PDE1A: variants seen among roughly 807,000 people sequenced by gnomAD.
PDE1A encodes phosphodiesterase 1A.
PDE1A carries 35 observed loss-of-function variants against 61.7 expected under a neutral mutation model. That is an observed-to-expected ratio of 0.57 (90% CI 0.43 to 0.75). PDE1A has a LOEUF of 0.75. PDE1A is among the 30% of genes least tolerant of loss of function. The probability of loss-of-function intolerance (pLI) is 0.00; values close to 1 mark genes in which losing one functional copy is unlikely to be tolerated. For synonymous variants in PDE1A, 232 were observed against 213.2 expected, an observed-to-expected ratio of 1.09 and a Z score of -0.77; for missense variants, 597 against 630.6, an observed-to-expected ratio of 0.95 and a Z score of 0.57.
the PDE1A span, among the ~76,000 whole-genome samples, chr2:182,533,302 C>A: frequency 1.3e-5 from 2 of 152,124 alleles, no homozygotes; most frequent in Non-Finnish European, 2.9e-5. Flanking sequence ...CAGAGCGAGA[C>A]CCTGTCTCAG....
intron 1 of PDE1A, among the ~76,000 whole-genome samples, chr2:182,268,764 A>C (rs1419122551): frequency 6.6e-6 from 1 of 152,032 alleles, no homozygotes; most frequent in Non-Finnish European, 1.5e-5. Flanking sequence ...GGCGTATCTG[A>C]GATGCTACCT....
At chr2:182,343,873 C>CT (rs11300978) in intron 1 of PDE1A, among the ~76,000 whole-genome samples, 47 of 129,800 alleles carry the variant, frequency 3.6e-4, no homozygotes, top group African/African-American at 1.1e-3. Flanking sequence ...TTTTCTTTTT[C>CT]TTTTTTTTTT....
At chr2:182,654,541 C>G in the PDE1A span, among the ~76,000 whole-genome samples, 7 of 151,992 alleles carry the variant, frequency 4.6e-5, no homozygotes, top group African/African-American at 9.7e-5. Flanking sequence ...TTAAAATGTC[C>G]CCTATTTTAA....
At chr2:182,588,360 T>G in the PDE1A span, among the ~76,000 whole-genome samples, 2 of 152,202 alleles carry the variant, frequency 1.3e-5, no homozygotes, top group Non-Finnish European at 2.9e-5. Context: ...CATTGATCTT[T>G]CTCTCACAGG....
At chr2:182,305,875 A>AT (rs1695550572) in intron 1 of PDE1A, among the ~76,000 whole-genome samples, 1 of 152,230 alleles carries the variant, frequency 6.6e-6, no homozygotes, top group Non-Finnish European at 1.5e-5. Context: ...AACATTTACT[A>AT]TTTTTTGTGA....
In PDE1A at chr2:182,329,056, T is replaced by C. The variant is rs140973866; in HGVS notation, c.54-64642A>G. 4.7e-4 allele frequency among the ~76,000 whole-genome samples: 71 copies of C among 152,264 alleles called. 2 individuals carry two copies. In the East Asian group the frequency reaches 0.013, roughly 28 times the overall value. ...AAGTGGTCTAAGTAATAACTTCAAA[T>C]ATAAACAACTACCAGCAGGGGTAAA... On this transcript the variant is annotated intron_variant, in intron 1 of 13. Coordinates refer to ENST00000351439, the Ensembl canonical transcript of PDE1A.
downstream of PDE1A, among the ~76,000 whole-genome samples, chr2:182,166,731 T>C (rs1243609916): frequency 6.6e-6 from 1 of 152,188 alleles, no homozygotes; most frequent in Non-Finnish European, 1.5e-5. Flanking sequence ...TTGACTAATC[T>C]GATGATATTT....
intron 1 of PDE1A, among the ~76,000 whole-genome samples, chr2:182,322,170 C>A (rs1321570025): frequency 6.6e-6 from 1 of 152,128 alleles, no homozygotes; most frequent in Non-Finnish European, 1.5e-5. Flanking sequence ...AGAGAAGAAT[C>A]ACCAGGATTG....
intron 11 of PDE1A, among the ~76,000 whole-genome samples, chr2:182,187,324 C>T (rs1685294047): frequency 6.6e-6 from 1 of 152,170 alleles, no homozygotes; most frequent in Non-Finnish European, 1.5e-5. Flanking sequence ...GGGCATTGTC[C>T]TCTGGGAGCA....
the PDE1A span, among the ~76,000 whole-genome samples, chr2:182,580,048 T>C: frequency 6.6e-6 from 1 of 152,222 alleles, no homozygotes; most frequent in African/African-American, 2.4e-5. Context: ...AAACTATAAC[T>C]ACTCCTTTGA....
chr2:182,317,744 C>G (rs1472415210), intron 1 of PDE1A, among the ~76,000 whole-genome samples: 1 of 151,962 alleles, frequency 6.6e-6, no homozygotes, highest in African/African-American at 2.4e-5. Context: ...AGGTGGCTCT[C>G]TTTCAGTTCT....
At chr2:182,172,862 G>A (rs1692362610) in intron 13 of PDE1A, among the ~76,000 whole-genome samples, 1 of 151,976 alleles carries the variant, frequency 6.6e-6, no homozygotes, top group South Asian at 2.1e-4. Context: ...GGCGTAGCTA[G>A]ACTTCGAGTT....
At chr2:182,176,897 A>G (rs375289098) in intron 13 of PDE1A, among the ~76,000 whole-genome samples, 166 of 147,440 alleles carry the variant, frequency 1.1e-3, no homozygotes, top group African/African-American at 3.8e-3. Flanking sequence ...TAGCATGAAG[A>G]GTTGTTGAAT....
At chr2:182,187,431 C>T (rs1685303830) in intron 11 of PDE1A, among the ~76,000 whole-genome samples, 1 of 152,120 alleles carries the variant, frequency 6.6e-6, no homozygotes. Context: ...CTGTGGGTGC[C>T]TCAAGTCAAG....
At chr2:182,376,770 T>C (rs926694136) in intron 1 of PDE1A, among the ~76,000 whole-genome samples, 1 of 152,216 alleles carries the variant, frequency 6.6e-6, no homozygotes, top group African/African-American at 2.4e-5. Context: ...AGAGGTTTAA[T>C]TGGAGTTACA....
chr2:182,190,248 T>C (rs976882759), intron 10 of PDE1A, among the ~76,000 whole-genome samples: 2 of 152,188 alleles, frequency 1.3e-5, no homozygotes, highest in Non-Finnish European at 2.9e-5. Context: ...ACAGGAACAT[T>C]TCACTATGTC....
chr2:182,240,940 C>T lies in PDE1A; in HGVS notation c.168-648G>A, dbSNP rs184914186. ...GATATCAAATAGATTATGTTTAAAG[C>T]GCATTTCAGGTGACCACGGGGTGGA... On this transcript the variant is annotated intron_variant, in intron 2 of 13. Transcript: ENST00000351439. Among the ~76,000 whole-genome samples the T allele has an allele frequency of 3.9e-5, 6 of 152,026 alleles. No homozygotes were observed. In the East Asian group the frequency reaches 5.8e-4, roughly 15 times the overall value.
At chr2:182,220,244 T>C (rs1243601817) in intron 7 of PDE1A, among the ~76,000 whole-genome samples, 2 of 152,164 alleles carry the variant, frequency 1.3e-5, no homozygotes, top group African/African-American at 2.4e-5. Flanking sequence ...ATAATTCTCA[T>C]TGAAGAGATA....
the PDE1A span, among the ~76,000 whole-genome samples, chr2:182,622,289 T>C: frequency 2.0e-5 from 3 of 152,224 alleles, no homozygotes; most frequent in Admixed American, 1.3e-4. Context: ...GAACCATCTA[T>C]AGAAATACTG....
Sources: allele counts gnomAD v4.1 joint callset (sites outside exome capture counted in the v4.1 genomes callset), GRCh38; gene constraint gnomAD v4.1.1; transcripts MANE v1.5; gene names NCBI Gene and HGNC (gene_info 2026-07-23, HGNC 2026-07-21).